CSMD1: variants seen among roughly 807,000 people sequenced by gnomAD.
The protein encoded by CSMD1 is CUB and Sushi multiple domains 1.
Under a neutral mutation model 417.5 loss-of-function variants are expected in CSMD1, and 213 were observed. The observed-to-expected ratio is 0.51, with a 90% confidence interval of 0.46 to 0.57. The LOEUF (loss-of-function observed/expected upper bound fraction) is 0.57. Among genes scored for constraint, CSMD1 ranks in the 20% least tolerant of loss-of-function variants. CSMD1 has a pLI of 0.00. For missense variants in CSMD1, 6,923 were observed against 4,529.7 expected, an observed-to-expected ratio of 1.53 and a Z score of -15.17; for synonymous variants, 2,862 against 1,736.8, an observed-to-expected ratio of 1.65 and a Z score of -16.11.
At chr8:4,161,049 G>C (rs566926889) in intron 3 of CSMD1, among the ~76,000 whole-genome samples, 1 of 151,772 alleles carries the variant, frequency 6.6e-6, no homozygotes, top group East Asian at 1.9e-4. Context: ...CTTAAAAACT[G>C]AGCAGTCCCA....
At chr8:3,557,281 C>T (rs1799199604) in intron 10 of CSMD1, among the ~76,000 whole-genome samples, 3 of 152,170 alleles carry the variant, frequency 2.0e-5, no homozygotes, top group African/African-American at 7.2e-5. Context: ...GGCTTGGAGA[C>T]AGCTGTACCT....
intron 6 of CSMD1, among the ~76,000 whole-genome samples, chr8:3,721,871 G>C (rs1463377617): frequency 6.6e-6 from 1 of 152,106 alleles, no homozygotes; most frequent in Admixed American, 6.5e-5. Flanking sequence ...AAATAGCAGA[G>C]AATGAAGTGC....
intron 18 of CSMD1, chr8:3,375,277 C>G (rs2116739919): frequency 6.6e-6 from 1 of 152,358 alleles, no homozygotes; most frequent in South Asian, 2.1e-4. Flanking sequence ...CTTTCTTCAA[C>G]TGGTGTGTTT....
At chr8:4,064,781 A>C (rs1365277) in intron 3 of CSMD1, among the ~76,000 whole-genome samples, 4 of 151,938 alleles carry the variant, frequency 2.6e-5, no homozygotes, top group Admixed American at 2.6e-4. Flanking sequence ...GTCCATTTAG[A>C]AACAGCCTTC....
At chr8:3,221,833 GA>G (rs1247045861) in intron 28 of CSMD1, among the ~76,000 whole-genome samples, 1 of 151,978 alleles carries the variant, frequency 6.6e-6, no homozygotes, top group Non-Finnish European at 1.5e-5. Flanking sequence ...ACGAGCCTGG[GA>G]GCCCATATGT....
intron 3 of CSMD1, among the ~76,000 whole-genome samples, chr8:4,286,863 T>C (rs1797087544): frequency 1.3e-5 from 2 of 152,236 alleles, no homozygotes; most frequent in South Asian, 4.1e-4. Flanking sequence ...GTGCACTAAT[T>C]ACACTTGAGG....
chr8:4,781,153 G>A (rs1047694061), intron 1 of CSMD1, among the ~76,000 whole-genome samples: 2 of 152,210 alleles, frequency 1.3e-5, no homozygotes, highest in Non-Finnish European at 1.5e-5. Flanking sequence ...CCCACATAGT[G>A]GCTGTGCTTT....
At chr8:3,673,597 T>G (rs1233833239) in intron 7 of CSMD1, among the ~76,000 whole-genome samples, 2 of 152,176 alleles carry the variant, frequency 1.3e-5, no homozygotes, top group African/African-American at 4.8e-5. Context: ...AGAGCTAATT[T>G]TAACTTGAAT....
rs574904964 is a variant in CSMD1, at chr8:3,526,606, C to T, written c.1345-32880G>A. 5.9e-5 allele frequency among the ~76,000 whole-genome samples: 9 copies of T among 152,240 alleles called. No individual in the cohort carries two copies. The South Asian group carries it at 1.5e-3, about 25-fold the overall frequency. On this transcript the variant is annotated intron_variant, in intron 10 of 69. Transcript: ENST00000635120. ...TATTCTAGGGCAATGTGTGATCCTA[C>T]AAGTATTAGTAAATAATTTTTCCAA...
At chr8:3,289,439 C>G (rs1204742718) in intron 25 of CSMD1, among the ~76,000 whole-genome samples, 2 of 147,490 alleles carry the variant, frequency 1.4e-5, no homozygotes, top group Admixed American at 1.3e-4. Context: ...TACAGTCCCA[C>G]CAACAGTGTA....
chr8:3,889,492 T>TATATATAA (rs1240650790), intron 5 of CSMD1, among the ~76,000 whole-genome samples: 1 of 63,204 alleles, frequency 1.6e-5, no homozygotes, highest in African/African-American at 5.9e-5. Context: ...TATATATATA[T>TATATATAA]AAAATATGCT....
intron 10 of CSMD1, among the ~76,000 whole-genome samples, chr8:3,498,237 T>G (rs566470909): frequency 9.2e-5 from 14 of 152,208 alleles, no homozygotes; most frequent in Non-Finnish European, 2.1e-4. Context: ...GACTTCTCTT[T>G]GTCTTTGAAG....
intron 1 of CSMD1, among the ~76,000 whole-genome samples, chr8:4,675,997 G>C (rs1041597116): frequency 1.3e-5 from 2 of 152,120 alleles, no homozygotes; most frequent in African/African-American, 4.8e-5. Flanking sequence ...CTTCACATTT[G>C]CTTTACATTT....
chr8:3,965,666 G>T (rs1298859135), intron 5 of CSMD1, among the ~76,000 whole-genome samples: 1 of 152,008 alleles, frequency 6.6e-6, no homozygotes, highest in Non-Finnish European at 1.5e-5. Flanking sequence ...CGCCCAGGCT[G>T]GAGTGCAATG....
At chr8:3,764,996 C>A (rs183529820) in intron 5 of CSMD1, among the ~76,000 whole-genome samples, 2 of 151,998 alleles carry the variant, frequency 1.3e-5, no homozygotes, top group East Asian at 3.9e-4. Context: ...CTGCCCACTT[C>A]GGCCTCCCAA....
At chr8:3,820,979 C>T (rs755937221) in intron 5 of CSMD1, among the ~76,000 whole-genome samples, 1 of 152,084 alleles carries the variant, frequency 6.6e-6, no homozygotes, top group Non-Finnish European at 1.5e-5. Context: ...TGCAATGGTG[C>T]AAACTCGGTT....
intron 3 of CSMD1, among the ~76,000 whole-genome samples, chr8:4,137,931 G>C (rs909951257): frequency 2.3e-4 from 35 of 151,642 alleles, no homozygotes; most frequent in African/African-American, 8.2e-4. Flanking sequence ...AGGTTGGAGT[G>C]CAGTGGCGCA....
intron 10 of CSMD1, among the ~76,000 whole-genome samples, chr8:3,534,814 C>A (rs1798124820): frequency 6.6e-6 from 1 of 152,200 alleles, no homozygotes; most frequent in Non-Finnish European, 1.5e-5. Context: ...ACAACATTTT[C>A]TTTGGGTCAC....
intron 10 of CSMD1, among the ~76,000 whole-genome samples, chr8:3,531,850 G>A (rs1234430884): frequency 6.6e-6 from 1 of 152,130 alleles, no homozygotes; most frequent in Non-Finnish European, 1.5e-5. Flanking sequence ...CGGCTACGTG[G>A]GGCCAGGCCG....
Sources: allele counts gnomAD v4.1 joint callset (sites outside exome capture counted in the v4.1 genomes callset), GRCh38; gene constraint gnomAD v4.1.1; transcripts MANE v1.5; gene names NCBI Gene and HGNC (gene_info 2026-07-23, HGNC 2026-07-21).